Variants in PGGT1B observed in about 807,000 individuals in gnomAD.
The protein encoded by PGGT1B is protein geranylgeranyltransferase type I subunit beta.
Under a neutral mutation model 46.1 loss-of-function variants are expected in PGGT1B, and 30 were observed. That is an observed-to-expected ratio of 0.65 (90% CI 0.49 to 0.88). The LOEUF (loss-of-function observed/expected upper bound fraction) is 0.88. Ranked by LOEUF, PGGT1B falls within the 40% of genes least tolerant of loss-of-function variation. The probability of loss-of-function intolerance (pLI) is 0.00; values close to 1 mark genes in which losing one functional copy is unlikely to be tolerated. For missense variants in PGGT1B, 376 were observed against 455.9 expected (o/e 0.82, Z 1.60); for synonymous variants, 170 against 160.0 (o/e 1.06, Z -0.47).
chr5:115,222,309 T>A (rs1463574790), intron 6 of PGGT1B, among the ~76,000 whole-genome samples: 2 of 152,202 alleles, frequency 1.3e-5, no homozygotes, highest in East Asian at 1.9e-4. Flanking sequence ...AGTCCGGGAC[T>A]GCTAACTCCC....
At chr5:115,246,603 C>G (rs553000507) in intron 2 of PGGT1B, among the ~76,000 whole-genome samples, 212 of 152,150 alleles carry the variant, frequency 1.4e-3, no homozygotes, top group Admixed American at 3.2e-3. Flanking sequence ...TTAACAGTTG[C>G]AAAACAAACT....
chr5:115,216,209 G>T (rs533827314), intron 8 of PGGT1B, among the ~76,000 whole-genome samples: 1 of 151,958 alleles, frequency 6.6e-6, no homozygotes, highest in Non-Finnish European at 1.5e-5. Flanking sequence ...GTGCAATCTC[G>T]GCTCACTGGA....
At chr5:115,250,569 G>C (rs972007388) in intron 2 of PGGT1B, among the ~76,000 whole-genome samples, 2 of 152,188 alleles carry the variant, frequency 1.3e-5, no homozygotes, top group Non-Finnish European at 2.9e-5. Context: ...GAAGTCCATG[G>C]AGTTGACAGT....
intron 3 of PGGT1B, among the ~76,000 whole-genome samples, chr5:115,238,291 A>ATTTTTTTTTTTTTTTTTTGTT (rs1757246364): frequency 2.1e-5 from 1 of 46,964 alleles, no homozygotes; most frequent in African/African-American, 7.8e-5. Context: ...ATTTTTTTGG[A>ATTTTTTTTTTTTTTTTTTGTT]TTTTTTTTTT....
In PGGT1B at chr5:115,212,307, C is replaced by A. The variant is rs1233533955; in HGVS notation, c.*95G>T. ...CAGGAGATTTGATTGTAAGACTCTA[C>A]CTTTTAAAAAAAGAGCACACTTGGT... On this transcript the variant is annotated 3_prime_UTR_variant, in exon 9 of 9. Coordinates refer to ENST00000419445, the MANE Select transcript of PGGT1B (RefSeq NM_005023.4). 2.2e-5 allele frequency: 35 copies of A among 1,573,064 alleles called. No homozygotes were observed. Among genetic ancestry groups the A allele is most frequent in the Admixed American group, 9.0e-5 (5 of 55,498 alleles).
At chr5:115,222,400 C>T (rs529301593) in intron 6 of PGGT1B, among the ~76,000 whole-genome samples, 3 of 152,224 alleles carry the variant, frequency 2.0e-5, no homozygotes, top group Non-Finnish European at 4.4e-5. Context: ...GCTCCATCAA[C>T]CCTAAGCTAC....
intron 3 of PGGT1B, 36 bp from the exon 4 acceptor site, chr5:115,238,045 GT>G (rs1561479370): frequency 6.9e-7 from 1 of 1,448,010 alleles, no homozygotes; most frequent in Non-Finnish European, 9.4e-7. Context: ...AATTAATGAA[GT>G]GAAATGAAAA....
intron 2 of PGGT1B, among the ~76,000 whole-genome samples, chr5:115,245,757 T>A (rs1440579311): frequency 6.6e-6 from 1 of 152,156 alleles, no homozygotes; most frequent in African/African-American, 2.4e-5. Flanking sequence ...TATACTGTCA[T>A]GAAAAAAGTG....
chr5:115,255,385 G>T (rs1338360685), intron 1 of PGGT1B, among the ~76,000 whole-genome samples: 1 of 152,100 alleles, frequency 6.6e-6, no homozygotes, highest in East Asian at 1.9e-4. Context: ...ATGAGAGAAG[G>T]TCCACTTTGT....
chr5:115,217,865 G>A (rs1756468494), intron 7 of PGGT1B, among the ~76,000 whole-genome samples: 1 of 151,872 alleles, frequency 6.6e-6, no homozygotes. Flanking sequence ...TGGCACACTG[G>A]TCATTACATA....
chr5:115,225,156 A>G (rs190508108), intron 6 of PGGT1B, among the ~76,000 whole-genome samples: 7 of 152,348 alleles, frequency 4.6e-5, no homozygotes, highest in Admixed American at 4.6e-4. Flanking sequence ...TAGTATGAAC[A>G]AAAGTTTAAG....
At chr5:115,232,817 A>G (rs1278338643) in intron 5 of PGGT1B, among the ~76,000 whole-genome samples, 1 of 152,058 alleles carries the variant, frequency 6.6e-6, no homozygotes, top group Admixed American at 6.6e-5. Context: ...TGTGCAAGTC[A>G]AAGTGGCAGG....
intron 1 of PGGT1B, among the ~76,000 whole-genome samples, chr5:115,255,942 C>T (rs146162572): frequency 1.1e-3 from 173 of 152,228 alleles, no homozygotes; most frequent in Middle Eastern, 3.4e-3. Flanking sequence ...TAAAAACAAA[C>T]GACCAAAACA....
At chr5:115,228,671 C>T (rs1203913191) in intron 6 of PGGT1B, among the ~76,000 whole-genome samples, 1 of 151,668 alleles carries the variant, frequency 6.6e-6, no homozygotes, top group Non-Finnish European at 1.5e-5. Context: ...TTAGGAAGAA[C>T]TATTCAGAGA....
At chr5:115,257,593 C>T (rs1383129019) in intron 1 of PGGT1B, among the ~76,000 whole-genome samples, 2 of 141,168 alleles carry the variant, frequency 1.4e-5, no homozygotes, top group African/African-American at 2.6e-5. Flanking sequence ...GAAAAAAGAA[C>T]TTAGTCATAC....
At chr5:115,222,223 T>G (rs1168045075) in intron 6 of PGGT1B, among the ~76,000 whole-genome samples, 3 of 152,110 alleles carry the variant, frequency 2.0e-5, no homozygotes, top group African/African-American at 7.2e-5. Context: ...ATTTTACTTA[T>G]GAAAAAAAGT....
chr5:115,238,091 G>C, intron 3 of PGGT1B, 82 bp from the exon 4 acceptor site: 1 of 966,764 alleles, frequency 1.0e-6, no homozygotes, highest in Non-Finnish European at 1.5e-6. Flanking sequence ...TAAGGTTTTA[G>C]TAAATAGTAA....
intron 1 of PGGT1B, among the ~76,000 whole-genome samples, chr5:115,260,356 A>T (rs773143954): frequency 6.6e-6 from 1 of 152,178 alleles, no homozygotes; most frequent in Non-Finnish European, 1.5e-5. Context: ...TTAGTTTAAC[A>T]CTGTATACCT....
intron 2 of PGGT1B, among the ~76,000 whole-genome samples, chr5:115,245,826 C>G (rs1286870388): frequency 6.6e-6 from 1 of 151,966 alleles, no homozygotes; most frequent in African/African-American, 2.4e-5. Flanking sequence ...TATTTTTTGC[C>G]TTCTTCTTAA....
Sources: gnomAD v4.1 joint callset for allele counts (sites outside exome capture counted in the v4.1 genomes callset) on GRCh38, gnomAD v4.1.1 for gene constraint, MANE v1.5 for transcripts, NCBI Gene and HGNC (gene_info 2026-07-23, HGNC 2026-07-21) for gene names.